MCM3AP: variants seen among roughly 807,000 people sequenced by gnomAD.
MCM3AP encodes the protein minichromosome maintenance complex component 3 associated protein.
Under a neutral mutation model 184.1 loss-of-function variants are expected in MCM3AP, and 126 were observed. The ratio of observed to expected loss-of-function variants is 0.68; its 90% CI spans 0.59 to 0.79. The LOEUF (loss-of-function observed/expected upper bound fraction) is 0.79. Ranked by LOEUF, MCM3AP falls within the 30% of genes least tolerant of loss-of-function variation. The pLI is 0.00. For synonymous variants in MCM3AP, 1,002 were observed against 979.3 expected (o/e 1.02, Z -0.43); for missense variants, 2,496 against 2,479.2 (o/e 1.01, Z -0.14).
intron 1 of MCM3AP, 58 bp from the exon 2 acceptor site, chr21:46,283,896 CCAA>C (rs2081365245): frequency 2.6e-6 from 4 of 1,557,800 alleles, no homozygotes; most frequent in Non-Finnish European, 2.6e-6. Flanking sequence ...ACAGGAGGCA[CCAA>C]CTGTGTCGAA....
chr21:46,262,311 A>AG (rs2081050953), intron 13 of MCM3AP, among the ~76,000 whole-genome samples: 1 of 152,236 alleles, frequency 6.6e-6, no homozygotes, highest in Admixed American at 6.5e-5. Flanking sequence ...TTATGAGGCT[A>AG]GCATTGCTCT....
In MCM3AP at chr21:46,243,648, C is replaced by G. The variant is rs1470614589; in HGVS notation, c.5113G>C (p.Val1705Leu). Reference sequence around the variant, plus strand: ...AGGTTCTCCACCTGGGACTGGAGGACAGGCTGTGTCTGGCGTGAGCTGGGG... The same window carrying G: ...AGGTTCTCCACCTGGGACTGGAGGAGAGGCTGTGTCTGGCGTGAGCTGGGG... Reference protein sequence around the residue: ...QIPSSRQTQPVLQSQVENLLH... With the variant: ...QIPSSRQTQPLLQSQVENLLH... Residue 1705 changes from valine to leucine, a missense_variant, in exon 24 of 28, where the codon GTC (valine) becomes CTC (leucine). Physicochemically the swap from Val to Leu is conservative, Grantham distance 32 (BLOSUM62 1). This residue lies in a region of MCM3AP where 1,323 missense variants were observed against 1,273.4 expected (regional missense o/e 1.04). Coordinates refer to ENST00000291688, the MANE Select transcript of MCM3AP (RefSeq NM_003906.5). 5.0e-6 allele frequency: 8 copies of G among 1,614,222 alleles called. No homozygotes were observed. The highest frequency in any genetic ancestry group is 5.9e-6 in the Non-Finnish European group (7 of 1,180,042).
chr21:46,252,305 GT>G (rs2080885644), intron 19 of MCM3AP: 1 of 152,134 alleles, frequency 6.6e-6, no homozygotes, highest in South Asian at 2.1e-4. Context: ...TGAAATACAT[GT>G]TTTTTACAGA....
intron 1 of MCM3AP, 80 bp downstream of exon 1, chr21:46,283,988 A>G: frequency 6.5e-7 from 1 of 1,547,014 alleles, no homozygotes; most frequent in East Asian, 2.3e-5. Context: ...TTTATCTGAA[A>G]AATCAAGCTA....
rs754149005 is a variant in MCM3AP, at chr21:46,246,693, G to A, written c.4484C>T (p.Ala1495Val). 13 of 1,614,214 alleles carry A rather than the reference G, an allele frequency of 8.1e-6. No homozygotes were observed. The East Asian group carries it at 8.9e-5, about 11-fold the overall frequency. The change falls in exon 21 of 28, where the codon GCG becomes GTG. Residue 1495 changes from alanine (A) to valine (V), a missense_variant. Physicochemically the swap from Ala to Val is moderately conservative, Grantham distance 64 (BLOSUM62 0). This residue lies in a region of MCM3AP where 1,323 missense variants were observed against 1,273.4 expected (regional missense o/e 1.04). Coordinates refer to ENST00000291688, the MANE Select transcript of MCM3AP (RefSeq NM_003906.5). ...QLLQAKPFQP[A>V]LPLVVLVPSP... ...AGGCACAAGAACCACCAGAGGAAGC[G>A]CAGGCTGGAAGGGCTTAGCCTGCAG...
Position 46,284,099 on chromosome 21 carries a change from C to T in MCM3AP, c.1188G>A (p.Glu396=), listed in dbSNP as rs1431937648. ...TCTTCTCTCTACTTTCAGTTTCTTC[C>T]TCTTTATTCACACCTGGAATCCGGG... ...APSRIPGVNK[E]EETESREKKE... The change falls in exon 1 of 28, where the codon GAG becomes GAA. Residue 396 remains glutamate (E), a synonymous_variant. Transcript: ENST00000291688. The T allele has an allele frequency of 6.2e-7, 1 of 1,613,528 alleles. No homozygotes were observed. The highest frequency in any genetic ancestry group is 8.5e-7 in the Non-Finnish European group (1 of 1,179,758).
chr21:46,261,137 T>C, intron 14 of MCM3AP, 143 bp downstream of exon 14: 7 of 1,112,614 alleles, frequency 6.3e-6, no homozygotes, highest in South Asian at 2.9e-5. Flanking sequence ...CCCCCTGGGC[T>C]GAAGCATAGG....
At chr21:46,248,611 GAGA>G (rs1315426006) in intron 20 of MCM3AP, among the ~76,000 whole-genome samples, 1 of 125,156 alleles carries the variant, frequency 8.0e-6, no homozygotes, top group Non-Finnish European at 1.7e-5. Flanking sequence ...TGGAGTAACA[GAGA>G]GGAAAAAAAA....
In MCM3AP at chr21:46,285,423, G is replaced by A. The variant is rs1475679714; in HGVS notation, c.-137C>T. On this transcript the variant is annotated 5_prime_UTR_variant, in exon 1 of 28. Coordinates refer to ENST00000291688, the MANE Select transcript of MCM3AP (RefSeq NM_003906.5). ...AAAGAGAAAAATTCAGATCATCATA[G>A]CTATGTTCTGCTACAAGTCTAAGAA... 4.7e-6 allele frequency: 3 copies of A among 634,684 alleles called. No homozygotes were observed. The highest frequency in any genetic ancestry group is 8.3e-6 in the Non-Finnish European group (3 of 359,654). 39.3% of individuals were successfully genotyped at this position (634,684 alleles called of 1,614,324 possible).
chr21:46,260,805 G>A lies in MCM3AP; in HGVS notation c.3569C>T (p.Ser1190Phe), dbSNP rs766584244. ...VMMEFVRETCSQELKNAVETD... is the reference protein window; with the variant it reads ...VMMEFVRETCFQELKNAVETD... The stretch of plus-strand genomic sequence containing the variant: ...GCGTTTCACTTACTTCAACTCCTGG[G>A]AGCAGGTTTCCCTCACAAACTCCAT... Residue 1190 changes from serine to phenylalanine, a missense_variant, in exon 15 of 28, where the codon TCC becomes TTC. Coordinates refer to ENST00000291688, the MANE Select transcript of MCM3AP (RefSeq NM_003906.5). The A allele has an allele frequency of 6.2e-7, 1 of 1,613,448 alleles. No individual in the cohort carries two copies. The highest frequency in any genetic ancestry group is 8.5e-7 in the Non-Finnish European group (1 of 1,179,412).
intron 15 of MCM3AP, among the ~76,000 whole-genome samples, chr21:46,260,541 A>G (rs1388575673): frequency 1.3e-5 from 2 of 152,266 alleles, no homozygotes; most frequent in African/African-American, 2.4e-5. Flanking sequence ...GATAAATGCC[A>G]GTGGCTAATA....
chr21:46,267,356 C>G (rs952391323), intron 9 of MCM3AP: 1 of 558,624 alleles, frequency 1.8e-6, no homozygotes, highest in African/African-American at 1.9e-5. Flanking sequence ...CAAGCAAACA[C>G]TCTCATAGAG....
chr21:46,235,424 A>C lies in MCM3AP; in HGVS notation c.5787T>G (p.Ser1929Arg). 6 of 1,613,590 alleles carry C rather than the reference A, an allele frequency of 3.7e-6. No homozygotes were observed. Among genetic ancestry groups the C allele is most frequent in the Non-Finnish European group, 5.1e-6 (6 of 1,179,828 alleles). The change falls in exon 28 of 28, where the codon AGT (serine) becomes AGG (arginine). Residue 1929 changes from serine (S) to arginine (R), a missense_variant and splice_region_variant. Ser to Arg is a moderately radical substitution (Grantham distance 110). This residue lies in a region of MCM3AP where 1,323 missense variants were observed against 1,273.4 expected (regional missense o/e 1.04). Coordinates refer to ENST00000291688, the MANE Select transcript of MCM3AP (RefSeq NM_003906.5). ...MKTSVTTSPQ[S>R]DMMREQLQLS... is the part of the protein sequence containing the mutation. Reference sequence around the variant, plus strand: ...GCTGCAGTTGCTCCCTCATCATGTCACTCTATTTGAATAAAAAAGAAACTG... The same window carrying C: ...GCTGCAGTTGCTCCCTCATCATGTCCCTCTATTTGAATAAAAAAGAAACTG...
intron 13 of MCM3AP, among the ~76,000 whole-genome samples, chr21:46,261,732 CAAAA>C (rs58763611): frequency 1.1e-4 from 12 of 110,942 alleles, no homozygotes; most frequent in Admixed American, 1.9e-4. Context: ...GACTCTGTCT[CAAAA>C]AAAAAAAAAA....
intron 20 of MCM3AP, chr21:46,249,784 A>AAGAGCC (rs2080839739): frequency 7.0e-6 from 2 of 286,546 alleles, no homozygotes; most frequent in Non-Finnish European, 1.4e-5. Flanking sequence ...TTTTATCCTC[A>AAGAGCC]AGAGCCAGAT....
intron 16 of MCM3AP, among the ~76,000 whole-genome samples, chr21:46,257,900 G>C (rs1368671805): frequency 6.7e-6 from 1 of 150,220 alleles, no homozygotes; most frequent in Non-Finnish European, 1.5e-5. Context: ...ACTCCAGCCT[G>C]GGCGACAGAG....
chr21:46,260,073 CTT>C (rs1348218815), intron 15 of MCM3AP, among the ~76,000 whole-genome samples: 3 of 150,856 alleles, frequency 2.0e-5, no homozygotes, highest in East Asian at 3.9e-4. Context: ...AAGACTCCGT[CTT>C]TAAAAAAAAA....
In MCM3AP at chr21:46,247,953, C is replaced by G. The variant is rs1010752110; in HGVS notation, c.4291-1067G>C. Among the ~76,000 whole-genome samples the G allele has an allele frequency of 1.3e-5, 2 of 151,840 alleles. 1 individual carries two copies. Among genetic ancestry groups the G allele is most frequent in the Admixed American group, 1.3e-4 (2 of 15,262 alleles). On this transcript the variant is annotated intron_variant, in intron 20 of 27. Coordinates refer to ENST00000291688, the MANE Select transcript of MCM3AP (RefSeq NM_003906.5). ...AAGACCCCATCTCTACAAAAATAAACAAAAATATAAGCCCATAATAATAGA... is the reference window on the plus strand; with the variant it reads ...AAGACCCCATCTCTACAAAAATAAAGAAAAATATAAGCCCATAATAATAGA...
chr21:46,262,752 G>A (rs563610075), intron 13 of MCM3AP, among the ~76,000 whole-genome samples: 3 of 151,818 alleles, frequency 2.0e-5, no homozygotes, highest in Non-Finnish European at 4.4e-5. Flanking sequence ...TGGATCAGGA[G>A]GTCAGGAGAT....
Sources: gnomAD v4.1 joint callset for allele counts (sites outside exome capture counted in the v4.1 genomes callset) on GRCh38, gnomAD v4.1.1 for gene constraint, gnomAD v4.1.1 regional missense constraint, MANE v1.5 for transcripts, NCBI Gene and HGNC (gene_info 2026-07-23, HGNC 2026-07-21) for gene names.